Variants in CRIM1 observed in about 807,000 individuals in gnomAD.
The protein encoded by CRIM1 is cysteine-rich motor neuron 1 protein.
CRIM1 carries 32 observed loss-of-function variants against 116.4 expected under a neutral mutation model. The ratio of observed to expected loss-of-function variants is 0.27; its 90% confidence interval spans 0.21 to 0.37. CRIM1 has a LOEUF of 0.37. Among genes scored for constraint, CRIM1 ranks in the 10% least tolerant of loss-of-function variants. CRIM1 has a pLI of 1.00. For synonymous variants in CRIM1, 590 were observed against 509.2 expected (o/e 1.16, Z -2.13); for missense variants, 1,331 against 1,354.8 (o/e 0.98, Z 0.28).
rs1668846934 is a variant in CRIM1, at chr2:36,356,819, C to A, written c.331+196C>A. ...TTGTTCCCCCCGACGCTTAGGCAGT[C>A]GCGGGCGAGGTTGGGTATGGTGGGT... On this transcript the variant is annotated intron_variant, in intron 1 of 16. Coordinates refer to ENST00000280527, the MANE Select transcript of CRIM1 (RefSeq NM_016441.3). This position sits in a 1 kb window ranked among gnomAD's most constrained non-coding sequence, Gnocchi z 4.3. 6.6e-6 allele frequency among the ~76,000 whole-genome samples: 1 copy of A among 152,196 alleles called. No homozygotes were observed.
At position 36,409,832 on chromosome 2, in the gene CRIM1, G is replaced by A. The variant is rs1032046066; in HGVS notation, c.505+13045G>A. 5.9e-5 allele frequency among the ~76,000 whole-genome samples: 9 copies of A among 152,132 alleles called. No homozygotes were observed. In the South Asian group the frequency reaches 1.9e-3, roughly 31 times the overall value. Reference sequence around the variant, plus strand: ...TAAATATTTGAGTTTTTTTAAAGAAGCATTCTAATAATAAAATTTGACTCA... The same window carrying A: ...TAAATATTTGAGTTTTTTTAAAGAAACATTCTAATAATAAAATTTGACTCA... On this transcript the variant is annotated intron_variant, in intron 2 of 16. Transcript: ENST00000280527.
chr2:36,533,701 T>G (rs1666276250), intron 13 of CRIM1, among the ~76,000 whole-genome samples: 1 of 152,236 alleles, frequency 6.6e-6, no homozygotes, highest in Non-Finnish European at 1.5e-5. Context: ...GACAGTGATC[T>G]CATACAGTTA....
intron 4 of CRIM1, among the ~76,000 whole-genome samples, chr2:36,450,165 G>C (rs183424638): frequency 6.6e-6 from 1 of 152,230 alleles, no homozygotes; most frequent in East Asian, 1.9e-4. Flanking sequence ...ATAGAATGTC[G>C]ATATCTCTGC....
intron 8 of CRIM1, among the ~76,000 whole-genome samples, chr2:36,501,068 A>C (rs116118507): frequency 0.014 from 2,170 of 152,302 alleles, 61 homozygotes; most frequent in African/African-American, 0.05. Flanking sequence ...CAATTTATGT[A>C]GTTTTTAGAA....
chr2:36,473,761 T>A (rs1678733855), intron 5 of CRIM1, among the ~76,000 whole-genome samples: 1 of 152,224 alleles, frequency 6.6e-6, no homozygotes, highest in Non-Finnish European at 1.5e-5. Flanking sequence ...ACTTTTTGTT[T>A]ATATATCAGT....
intron 14 of CRIM1, among the ~76,000 whole-genome samples, chr2:36,543,458 A>G (rs1446736895): frequency 1.3e-5 from 2 of 152,094 alleles, no homozygotes; most frequent in Non-Finnish European, 2.9e-5. Context: ...AAATTAGGCT[A>G]TGGTGAGTAT....
Position 36,479,653 on chromosome 2 carries a change from A to G in CRIM1, c.1331A>G (p.Asn444Ser). The change falls in exon 7 of 17, where the codon AAC becomes AGC. Residue 444 changes from asparagine (N) to serine (S), a missense_variant. By Grantham distance (46) the Asn-to-Ser change is conservative. Transcript: ENST00000280527. ...VATVCGQTCT[N>S]PVKVPGECCP... Reference sequence around the variant, plus strand: ...ACCGTCTGCGGACAGACCTGCACAAACCCTGTGAAAGTGCCTGGGGAGTGT... The same window carrying G: ...ACCGTCTGCGGACAGACCTGCACAAGCCCTGTGAAAGTGCCTGGGGAGTGT... The G allele has an allele frequency of 6.2e-7, 1 of 1,614,188 alleles. No individual in the cohort carries two copies. The highest frequency in any genetic ancestry group is 1.3e-5 in the African/African-American group (1 of 75,042).
chr2:36,456,001 G>GCT (rs1677104451), intron 4 of CRIM1, among the ~76,000 whole-genome samples: 1 of 152,152 alleles, frequency 6.6e-6, no homozygotes, highest in African/African-American at 2.4e-5. Context: ...GTGGATGCAT[G>GCT]CTTAAAGTCA....
intron 7 of CRIM1, among the ~76,000 whole-genome samples, chr2:36,495,471 A>ATT (rs1395233806): frequency 5.4e-4 from 72 of 134,102 alleles, no homozygotes; most frequent in South Asian, 1.7e-3. Flanking sequence ...TTATTTATTT[A>ATT]TTTATTTTTT....
intron 2 of CRIM1, among the ~76,000 whole-genome samples, chr2:36,404,733 A>G (rs756855888): frequency 2.0e-5 from 3 of 152,128 alleles, no homozygotes; most frequent in African/African-American, 7.2e-5. Context: ...TTGTATGGCT[A>G]TGTTCTCTGA....
chr2:36,478,989 G>A (rs1679200137), intron 6 of CRIM1, among the ~76,000 whole-genome samples: 1 of 152,146 alleles, frequency 6.6e-6, no homozygotes, highest in Non-Finnish European at 1.5e-5. Flanking sequence ...GCCTTGTCAT[G>A]AACAAGTCCA....
intron 5 of CRIM1, among the ~76,000 whole-genome samples, chr2:36,474,053 A>G (rs763584566): frequency 5.3e-5 from 8 of 152,144 alleles, no homozygotes; most frequent in Non-Finnish European, 1.0e-4. Context: ...TGGGTGTGAA[A>G]TGGTGTTCAT....
intron 2 of CRIM1, among the ~76,000 whole-genome samples, chr2:36,435,728 G>A (rs971493277): frequency 2.0e-5 from 3 of 152,082 alleles, no homozygotes; most frequent in African/African-American, 7.2e-5. Context: ...CCAAGATCCA[G>A]TCATACACAT....
At position 36,424,474 on chromosome 2, in the gene CRIM1, G is replaced by C. The variant is rs137994768; in HGVS notation, c.506-16784G>C. Among the ~76,000 whole-genome samples the C allele has an allele frequency of 3.4e-3, 519 of 152,266 alleles. 3 individuals carry two copies. Among genetic ancestry groups the C allele is most frequent in the African/African-American group, 0.012 (496 of 41,552 alleles). ...GTGAATGTTGGGGAAGAGCATTGTAGGAGATGGACATATCTGATGAAAAGC... is the reference window on the plus strand; with the variant it reads ...GTGAATGTTGGGGAAGAGCATTGTACGAGATGGACATATCTGATGAAAAGC... On this transcript the variant is annotated intron_variant, in intron 2 of 16. Coordinates refer to ENST00000280527, the MANE Select transcript of CRIM1 (RefSeq NM_016441.3).
chr2:36,431,638 C>T (rs1674900952), intron 2 of CRIM1, among the ~76,000 whole-genome samples: 1 of 152,150 alleles, frequency 6.6e-6, no homozygotes, highest in Admixed American at 6.5e-5. Context: ...TTGACAAATA[C>T]TGGAGGTTTA....
At chr2:36,526,990 T>G (rs1361988532) in intron 13 of CRIM1, among the ~76,000 whole-genome samples, 1 of 152,172 alleles carries the variant, frequency 6.6e-6, no homozygotes, top group African/African-American at 2.4e-5. Flanking sequence ...GAACATTGTT[T>G]TGAAAATTAT....
chr2:36,501,149 C>A (rs1186379970), intron 8 of CRIM1, among the ~76,000 whole-genome samples: 3 of 152,194 alleles, frequency 2.0e-5, no homozygotes, highest in Non-Finnish European at 4.4e-5. Flanking sequence ...CGATCTCTCT[C>A]ACACACAGTA....
At chr2:36,421,493 T>TA (rs1339894477) in intron 2 of CRIM1, among the ~76,000 whole-genome samples, 1 of 152,248 alleles carries the variant, frequency 6.6e-6, no homozygotes, top group African/African-American at 2.4e-5. Flanking sequence ...CTCAAATTCT[T>TA]ACTTTTCCAC....
intron 1 of CRIM1, chr2:36,378,952 A>G (rs1363455635): frequency 6.6e-6 from 1 of 152,178 alleles, no homozygotes; most frequent in Non-Finnish European, 1.5e-5. Flanking sequence ...TTCTAAAAAT[A>G]TGTATTGATT....
Sources: allele counts gnomAD v4.1 joint callset (sites outside exome capture counted in the v4.1 genomes callset), GRCh38; gene constraint gnomAD v4.1.1; non-coding constraint Gnocchi (gnomAD v3.1); transcripts MANE v1.5; gene names NCBI Gene and HGNC (gene_info 2026-07-23, HGNC 2026-07-21).